Variants in PHKB observed in about 807,000 individuals in gnomAD.
PHKB encodes phosphorylase kinase regulatory subunit beta, also known as phosphorylase b kinase regulatory subunit beta.
PHKB carries 122 observed loss-of-function variants against 152.1 expected under a neutral mutation model. The observed-to-expected ratio is 0.80, with a 90% CI of 0.69 to 0.93. The LOEUF (loss-of-function observed/expected upper bound fraction) is 0.93, where lower values mean the gene tolerates loss of function less well. PHKB is among the 40% of genes least tolerant of loss of function. The pLI is 0.00. For missense variants in PHKB, 1,304 were observed against 1,328.4 expected, an observed-to-expected ratio of 0.98 and a Z score of 0.29; for synonymous variants, 436 against 464.9, an observed-to-expected ratio of 0.94 and a Z score of 0.80.
intron 7 of PHKB, among the ~76,000 whole-genome samples, chr16:47,557,864 C>T (rs1971404697): frequency 6.6e-6 from 1 of 152,118 alleles, no homozygotes; most frequent in Admixed American, 6.5e-5. Context: ...TACCATTTGA[C>T]CCAGCCATCC....
At chr16:47,584,065 A>G (rs1025907397) in intron 8 of PHKB, among the ~76,000 whole-genome samples, 2 of 152,074 alleles carry the variant, frequency 1.3e-5, no homozygotes, top group South Asian at 4.1e-4. Context: ...AAGGAAAAAA[A>G]AAACACTTTA....
chr16:47,549,831 CTG>C (rs1384877425), intron 7 of PHKB, among the ~76,000 whole-genome samples: 1 of 152,166 alleles, frequency 6.6e-6, no homozygotes, highest in Non-Finnish European at 1.5e-5. Context: ...ATTCCTATAA[CTG>C]AGGTGGCAGT....
chr16:47,634,124 C>T (rs1972875275), intron 14 of PHKB, among the ~76,000 whole-genome samples: 1 of 152,180 alleles, frequency 6.6e-6, no homozygotes, highest in South Asian at 2.1e-4. Flanking sequence ...GTATTATTCT[C>T]ATAACCCTAG....
intron 10 of PHKB, among the ~76,000 whole-genome samples, chr16:47,589,384 G>A (rs1567317468): frequency 6.6e-6 from 1 of 152,198 alleles, no homozygotes; most frequent in Non-Finnish European, 1.5e-5. Context: ...TATTACCAGT[G>A]AGGTATTTAC....
rs544683524 is a variant in PHKB at position 47,654,740 on chromosome 16, C to T, written c.1971+3819C>T. 9.7e-5 allele frequency among the ~76,000 whole-genome samples: 14 copies of T among 144,866 alleles called. No individual in the cohort carries two copies. In the South Asian group the frequency reaches 1.1e-3, roughly 11 times the overall value. On this transcript the variant is annotated intron_variant, in intron 20 of 30. Coordinates refer to ENST00000323584, the MANE Select transcript of PHKB (RefSeq NM_000293.3). ...CACCACATGTTCTCACTCATAGGTG[C>T]GAATTGAACAATGAGAACACTTGGA...
chr16:47,473,838 T>C (rs1969822806), intron 1 of PHKB, among the ~76,000 whole-genome samples: 1 of 152,118 alleles, frequency 6.6e-6, no homozygotes, highest in Non-Finnish European at 1.5e-5. Context: ...AATTAACAAA[T>C]CTGGCCCCTC....
intron 26 of PHKB, 117 bp from the exon 27 acceptor site, chr16:47,688,924 G>A (rs1293339543): frequency 2.0e-5 from 21 of 1,053,720 alleles, no homozygotes; most frequent in South Asian, 1.4e-4. Context: ...AAACTCAAAC[G>A]GCCTCTTCTT....
chr16:47,573,161 C>A (rs140096087), intron 7 of PHKB, among the ~76,000 whole-genome samples: 1 of 152,290 alleles, frequency 6.6e-6, no homozygotes, highest in African/African-American at 2.4e-5. Context: ...CAGTAGGATT[C>A]ACAGTGAAGT....
chr16:47,612,078 A>G (rs1197158890), intron 14 of PHKB, among the ~76,000 whole-genome samples: 1 of 152,236 alleles, frequency 6.6e-6, no homozygotes, highest in African/African-American at 2.4e-5. Context: ...CGTGTCAACA[A>G]AACAAGTGTT....
chr16:47,530,501 G>C (rs578060596), intron 6 of PHKB, among the ~76,000 whole-genome samples: 1 of 152,106 alleles, frequency 6.6e-6, no homozygotes, highest in Admixed American at 6.5e-5. Flanking sequence ...AAGCAATAAG[G>C]CAAGAAGTAA....
At position 47,660,516 on chromosome 16, in the gene PHKB, CTG is replaced by C. The variant is rs1973422354; in HGVS notation, c.1983_1984del (p.Gly662SerfsTer7). ...TCGATCACGTTTCAGACACTAATAT[CTG>C]GAGCTGTGGTAGAACAACTTGATTT... On this transcript the variant is annotated frameshift_variant, in exon 21 of 31. Transcript: ENST00000323584. LOFTEE classifies it high-confidence loss of function. 1.2e-5 allele frequency: 20 copies of C among 1,612,990 alleles called. No homozygotes were observed. The highest frequency in any genetic ancestry group is 1.7e-5 in the Non-Finnish European group (20 of 1,179,036).
chr16:47,664,847 C>T (rs769003157), intron 24 of PHKB, 38 bp from the exon 25 acceptor site: 1 of 1,333,022 alleles, frequency 7.5e-7, no homozygotes, highest in South Asian at 1.2e-5. Flanking sequence ...TTTATTTACT[C>T]TATTTTCCCT....
intron 1 of PHKB, among the ~76,000 whole-genome samples, chr16:47,475,011 A>G (rs1336194416): frequency 6.6e-6 from 1 of 152,212 alleles, no homozygotes; most frequent in African/African-American, 2.4e-5. Context: ...GGTGTGTGCC[A>G]CTGCGCCTGG....
chr16:47,547,314 C>T, intron 6 of PHKB, 119 bp from the exon 7 acceptor site: 1 of 691,548 alleles, frequency 1.4e-6, no homozygotes. Flanking sequence ...AAACTCCCAA[C>T]CTCATGTAAT....
intron 11 of PHKB, among the ~76,000 whole-genome samples, 157 bp from the exon 12 acceptor site, chr16:47,593,980 T>C (rs2151700370): frequency 6.6e-6 from 1 of 152,280 alleles, no homozygotes; most frequent in Admixed American, 6.5e-5. Context: ...TGGAAAAATA[T>C]CACACAGATT....
intron 16 of PHKB, among the ~76,000 whole-genome samples, chr16:47,646,520 T>TA (rs1319675621): frequency 9.0e-6 from 1 of 111,338 alleles, no homozygotes; most frequent in East Asian, 2.4e-4. Flanking sequence ...CCCTAAAACT[T>TA]AGAGTATAAT....
chr16:47,685,494 A>G (rs924534350), intron 26 of PHKB, among the ~76,000 whole-genome samples: 4 of 152,294 alleles, frequency 2.6e-5, no homozygotes, highest in African/African-American at 9.6e-5. Flanking sequence ...GTCATTGGGA[A>G]TGAGGGATAA....
chr16:47,630,701 A>T (rs1972812686), intron 14 of PHKB, among the ~76,000 whole-genome samples: 1 of 152,176 alleles, frequency 6.6e-6, no homozygotes, highest in East Asian at 1.9e-4. Context: ...TTGGTCAAAC[A>T]CTATTCTGAG....
At chr16:47,584,574 A>G (rs1971904392) in intron 8 of PHKB, among the ~76,000 whole-genome samples, 1 of 152,206 alleles carries the variant, frequency 6.6e-6, no homozygotes, top group Admixed American at 6.5e-5. Flanking sequence ...AAAGTTGGCT[A>G]TTTACACATC....
Sources: allele counts gnomAD v4.1 joint callset (sites outside exome capture counted in the v4.1 genomes callset), GRCh38; gene constraint gnomAD v4.1.1; transcripts MANE v1.5; gene names NCBI Gene and HGNC (gene_info 2026-07-23, HGNC 2026-07-21).